RBFOX1: variants seen among roughly 807,000 people sequenced by gnomAD.
RBFOX1 encodes the protein RNA binding protein fox-1 homolog 1.
RBFOX1 carries 8 observed loss-of-function variants against 57.7 expected under a neutral mutation model. The observed-to-expected ratio is 0.14, with a 90% confidence interval of 0.08 to 0.25. RBFOX1 has a LOEUF of 0.25. Among genes scored for constraint, RBFOX1 ranks in the 10% least tolerant of loss-of-function variants. The pLI is 1.00. For missense variants in RBFOX1, 611 were observed against 548.5 expected, an observed-to-expected ratio of 1.11 and a Z score of -1.14; for synonymous variants, 326 against 222.4, an observed-to-expected ratio of 1.47 and a Z score of -4.15.
intron 1 of RBFOX1, among the ~76,000 whole-genome samples, chr16:5,296,215 C>T (rs918228884): frequency 1.3e-5 from 2 of 152,148 alleles, no homozygotes; most frequent in Non-Finnish European, 1.5e-5. Context: ...CATTCAGACT[C>T]GGTGTAGCAT....
intron 4 of RBFOX1, among the ~76,000 whole-genome samples, chr16:7,458,171 A>G (rs2150420310): frequency 6.6e-6 from 1 of 152,240 alleles, no homozygotes; most frequent in East Asian, 1.9e-4. Context: ...ACACGTCTAT[A>G]CTGCCAGAGC....
chr16:5,811,997 G>A (rs1307966135), intron 3 of RBFOX1, among the ~76,000 whole-genome samples: 1 of 152,166 alleles, frequency 6.6e-6, no homozygotes, highest in Admixed American at 6.6e-5. Context: ...TCTATCTCTA[G>A]GAATTTGCCC....
intron 3 of RBFOX1, among the ~76,000 whole-genome samples, chr16:6,964,221 G>T (rs564845598): frequency 2.2e-4 from 33 of 152,052 alleles, no homozygotes; most frequent in Middle Eastern, 3.4e-3. Flanking sequence ...GTTTCACCTT[G>T]TTGGCCAGGC....
chr16:5,548,624 T>C (rs1182660447), intron 2 of RBFOX1, among the ~76,000 whole-genome samples: 1 of 151,790 alleles, frequency 6.6e-6, no homozygotes, highest in East Asian at 1.9e-4. Context: ...ACCCCATAAA[T>C]ATATACACCA....
At chr16:6,552,756 A>G (rs990580999) in intron 2 of RBFOX1, among the ~76,000 whole-genome samples, 24 of 152,060 alleles carry the variant, frequency 1.6e-4, no homozygotes, top group Admixed American at 5.2e-4. Context: ...ATTATATAGA[A>G]AATGTACACA....
intron 4 of RBFOX1, among the ~76,000 whole-genome samples, chr16:7,449,054 G>A (rs757986492): frequency 1.6e-4 from 24 of 147,930 alleles, no homozygotes; most frequent in African/African-American, 2.2e-4. Flanking sequence ...GTCAGTCTCC[G>A]GAGTAGCTGG....
At chr16:6,759,361 G>C (rs1381718796) in intron 3 of RBFOX1, among the ~76,000 whole-genome samples, 1 of 152,040 alleles carries the variant, frequency 6.6e-6, no homozygotes, top group Non-Finnish European at 1.5e-5. Flanking sequence ...GTGTTGGCCA[G>C]GCTGGTCTTG....
intron 3 of RBFOX1, among the ~76,000 whole-genome samples, chr16:6,977,830 A>G (rs1293950499): frequency 6.6e-6 from 1 of 151,856 alleles, no homozygotes; most frequent in Non-Finnish European, 1.5e-5. Flanking sequence ...GCTTATTTGC[A>G]GTATCTTGAA....
intron 2 of RBFOX1, among the ~76,000 whole-genome samples, chr16:5,505,585 C>G (rs902242010): frequency 1.3e-5 from 2 of 152,150 alleles, no homozygotes; most frequent in African/African-American, 2.4e-5. Flanking sequence ...GAGGAGCTTA[C>G]ATGCAACTAC....
At chr16:7,561,673 C>G (rs2090406384) in intron 5 of RBFOX1, among the ~76,000 whole-genome samples, 1 of 152,136 alleles carries the variant, frequency 6.6e-6, no homozygotes. Flanking sequence ...GTGCTTGTCT[C>G]TTTGTTTGAA....
intron 3 of RBFOX1, among the ~76,000 whole-genome samples, chr16:7,014,065 T>C (rs191890916): frequency 1.2e-3 from 186 of 152,320 alleles, no homozygotes; most frequent in African/African-American, 4.3e-3. Context: ...ACTCAGTATA[T>C]TAAAAATAAA....
intron 2 of RBFOX1, among the ~76,000 whole-genome samples, chr16:6,634,722 T>C (rs11867097): frequency 0.26 from 36,491 of 138,710 alleles, 5,458 homozygotes; most frequent in Admixed American, 0.32. Flanking sequence ...AAATATATAA[T>C]ACAAAGATAT....
chr16:6,737,473 C>G (rs1179416136), intron 3 of RBFOX1, among the ~76,000 whole-genome samples: 1 of 152,170 alleles, frequency 6.6e-6, no homozygotes, highest in Non-Finnish European at 1.5e-5. Context: ...ACATGTTACT[C>G]CTTGTCCAGT....
chr16:5,971,070 C>T (rs1417065316), intron 4 of RBFOX1, among the ~76,000 whole-genome samples: 1 of 152,190 alleles, frequency 6.6e-6, no homozygotes, highest in African/African-American at 2.4e-5. Flanking sequence ...GTGTTCCTGT[C>T]CCCTTTCGAT....
intron 3 of RBFOX1, among the ~76,000 whole-genome samples, chr16:5,728,584 C>T (rs1423328675): frequency 1.3e-5 from 2 of 152,064 alleles, no homozygotes; most frequent in African/African-American, 4.8e-5. Flanking sequence ...ACACCATTCT[C>T]TGATGCCATT....
intron 6 of RBFOX1, among the ~76,000 whole-genome samples, chr16:7,585,840 T>C (rs2094088216): frequency 6.6e-6 from 1 of 152,212 alleles, no homozygotes. Context: ...GGATACTCTA[T>C]GACTGAAACA....
chr16:5,793,758 C>T (rs1263438549), intron 3 of RBFOX1, among the ~76,000 whole-genome samples: 1 of 151,680 alleles, frequency 6.6e-6, no homozygotes, highest in Non-Finnish European at 1.5e-5. Flanking sequence ...TGTGTGTGTG[C>T]ATGCATGCAT....
At chr16:6,977,151 A>T (rs1322132367) in intron 3 of RBFOX1, among the ~76,000 whole-genome samples, 7 of 102,988 alleles carry the variant, frequency 6.8e-5, no homozygotes, top group Non-Finnish European at 1.1e-4. Flanking sequence ...TATATATATC[A>T]TATATATCAT....
At chr16:5,867,975 A>G (rs1231733173) in intron 4 of RBFOX1, among the ~76,000 whole-genome samples, 12 of 152,102 alleles carry the variant, frequency 7.9e-5, no homozygotes, top group Non-Finnish European at 2.9e-5. Context: ...GCCTCCTAAA[A>G]TGCAGGGATT....
Sources: allele counts gnomAD v4.1 joint callset (sites outside exome capture counted in the v4.1 genomes callset), GRCh38; gene constraint gnomAD v4.1.1; transcripts MANE v1.5; gene names NCBI Gene and HGNC (gene_info 2026-07-23, HGNC 2026-07-21).